RYR2: variants seen among roughly 807,000 people sequenced by gnomAD.
RYR2 encodes the protein ryanodine receptor 2, also known as cardiac muscle ryanodine receptor-calcium release channel.
Under a neutral mutation model 601.1 loss-of-function variants are expected in RYR2, and 227 were observed. That is an observed-to-expected ratio of 0.38 (90% CI 0.34 to 0.42). RYR2 has a LOEUF of 0.42. Ranked by LOEUF, RYR2 falls within the 10% of genes least tolerant of loss-of-function variation. The pLI is 1.00. For missense variants in RYR2, 4,646 were observed against 6,156.5 expected (o/e 0.75, Z 8.21); for synonymous variants, 2,223 against 2,175.1 (o/e 1.02, Z -0.61).
At chr1:237,264,815 C>T (rs534928112) in intron 1 of RYR2, among the ~76,000 whole-genome samples, 20 of 151,850 alleles carry the variant, frequency 1.3e-4, no homozygotes, top group African/African-American at 3.6e-4. Flanking sequence ...CCTGCCTCAG[C>T]GTCCCAAGTA....
intron 33 of RYR2, among the ~76,000 whole-genome samples, chr1:237,595,265 T>G (rs577605240): frequency 6.6e-6 from 1 of 152,258 alleles, no homozygotes; most frequent in East Asian, 1.9e-4. Context: ...TCCAACTTGT[T>G]GACCTGTCTT....
chr1:237,186,558 GT>G (rs1679359667), intron 1 of RYR2, among the ~76,000 whole-genome samples: 1 of 152,174 alleles, frequency 6.6e-6, no homozygotes, highest in African/African-American at 2.4e-5. Flanking sequence ...TTACATTTGT[GT>G]TTTTTCAACT....
intron 14 of RYR2, among the ~76,000 whole-genome samples, chr1:237,454,017 A>T (rs1208018521): frequency 6.6e-6 from 1 of 152,144 alleles, no homozygotes; most frequent in Non-Finnish European, 1.5e-5. Context: ...TTGAAGACAA[A>T]CCACAAGGAA....
Position 237,732,066 on chromosome 1 carries a change from A to G in RYR2, c.10956A>G (p.Pro3652=), listed in dbSNP as rs765137450. The change falls in exon 78 of 105, where the codon CCA becomes CCG. Residue 3652 remains proline, a synonymous_variant. Transcript: ENST00000366574. ...EDLAKPGAEP[P]EEDEGTKRVD... ...TGCAGAAACCTGGGGCTGAACCTCC[A>G]GAAGAAGATGAAGGCACTAAGAGAG... 4 of 1,607,066 alleles carry G rather than the reference A, an allele frequency of 2.5e-6. No homozygotes were observed. Among genetic ancestry groups the G allele is most frequent in the Non-Finnish European group, 3.4e-6 (4 of 1,175,690 alleles).
intron 38 of RYR2, among the ~76,000 whole-genome samples, chr1:237,621,607 T>A (rs765994039): frequency 1.3e-5 from 2 of 152,142 alleles, no homozygotes; most frequent in African/African-American, 2.4e-5. Context: ...AACATGGGAT[T>A]TTTTTCTTCT....
intron 36 of RYR2, among the ~76,000 whole-genome samples, chr1:237,611,240 T>C (rs534303963): frequency 1.3e-5 from 2 of 152,362 alleles, no homozygotes; most frequent in South Asian, 4.1e-4. Context: ...CTTCATTCAC[T>C]CTTGCGTTAC....
At chr1:237,279,654 C>T (rs1167842925) in intron 2 of RYR2, among the ~76,000 whole-genome samples, 2 of 152,110 alleles carry the variant, frequency 1.3e-5, no homozygotes, top group African/African-American at 2.4e-5. Context: ...CATGCAACAC[C>T]AGGATTTCAT....
chr1:237,488,624 T>G (rs1356381095), intron 17 of RYR2, among the ~76,000 whole-genome samples: 1 of 152,164 alleles, frequency 6.6e-6, no homozygotes, highest in Non-Finnish European at 1.5e-5. Flanking sequence ...GAAAATAGCC[T>G]TAACCGATGA....
chr1:237,452,562 T>G (rs930271923), intron 14 of RYR2, among the ~76,000 whole-genome samples: 2 of 146,990 alleles, frequency 1.4e-5, no homozygotes, highest in Non-Finnish European at 3.0e-5. Flanking sequence ...TCATATATTT[T>G]ATATACACTA....
intron 40 of RYR2, among the ~76,000 whole-genome samples, chr1:237,626,502 C>T (rs1679662707): frequency 6.6e-6 from 1 of 150,652 alleles, no homozygotes; most frequent in Admixed American, 6.6e-5. Context: ...TTTTCAGTGT[C>T]ACAATCACAA....
chr1:237,054,744 T>TA (rs1252009154), intron 1 of RYR2, among the ~76,000 whole-genome samples: 1 of 152,222 alleles, frequency 6.6e-6, no homozygotes, highest in Non-Finnish European at 1.5e-5. Flanking sequence ...GTCGTATTTT[T>TA]ACTTTAAAAA....
intron 1 of RYR2, among the ~76,000 whole-genome samples, chr1:237,146,074 G>A (rs1419429319): frequency 1.3e-5 from 2 of 152,180 alleles, no homozygotes; most frequent in Non-Finnish European, 2.9e-5. Context: ...AGGGACTATA[G>A]CATATATTTG....
chr1:237,551,278 C>T (rs981565219), intron 27 of RYR2, among the ~76,000 whole-genome samples: 1 of 152,040 alleles, frequency 6.6e-6, no homozygotes, highest in Non-Finnish European at 1.5e-5. Context: ...GCCTGTAATC[C>T]CAGCAGTTTG....
intron 1 of RYR2, among the ~76,000 whole-genome samples, chr1:237,101,791 T>C (rs1161867544): frequency 6.6e-6 from 1 of 152,186 alleles, no homozygotes; most frequent in Non-Finnish European, 1.5e-5. Context: ...TTATACCAAG[T>C]GTACTTTTCA....
At chr1:237,515,503 G>A (rs1447521591) in intron 24 of RYR2, among the ~76,000 whole-genome samples, 1 of 152,070 alleles carries the variant, frequency 6.6e-6, no homozygotes, top group Non-Finnish European at 1.5e-5. Context: ...CAGGACACAG[G>A]GATGGAGAGG....
chr1:237,434,865 T>G (rs1004664175), intron 12 of RYR2, among the ~76,000 whole-genome samples: 1 of 152,066 alleles, frequency 6.6e-6, no homozygotes, highest in Non-Finnish European at 1.5e-5. Context: ...AACCTCCACC[T>G]CCCAGGTTCA....
chr1:237,732,004 T>G (rs751587701), intron 77 of RYR2, 42 bp from the exon 78 acceptor site: 4 of 1,339,492 alleles, frequency 3.0e-6, no homozygotes, highest in Non-Finnish European at 3.2e-6. Flanking sequence ...GAGTGAACAT[T>G]TTTTTTTAAT....
intron 1 of RYR2, among the ~76,000 whole-genome samples, chr1:237,186,800 G>A (rs898980375): frequency 6.6e-6 from 1 of 152,228 alleles, no homozygotes; most frequent in Non-Finnish European, 1.5e-5. Context: ...TTGTGGCTGT[G>A]GCATAGCTGA....
At chr1:237,422,538 T>A (rs2150055042) in intron 11 of RYR2, among the ~76,000 whole-genome samples, 1 of 152,286 alleles carries the variant, frequency 6.6e-6, no homozygotes, top group African/African-American at 2.4e-5. Flanking sequence ...TGTTCCACAA[T>A]ATTAAAATGT....
Sources: allele counts gnomAD v4.1 joint callset (sites outside exome capture counted in the v4.1 genomes callset), GRCh38; gene constraint gnomAD v4.1.1; transcripts MANE v1.5; gene names NCBI Gene and HGNC (gene_info 2026-07-23, HGNC 2026-07-21).